Variants in PARP8 observed in about 807,000 individuals in gnomAD.
PARP8 encodes poly(ADP-ribose) polymerase family member 8, also known as protein mono-ADP-ribosyltransferase PARP8.
A neutral mutation model predicts 124.1 loss-of-function variants in PARP8; 51 were observed. That is an observed-to-expected ratio of 0.41 (90% CI 0.33 to 0.52). The LOEUF (loss-of-function observed/expected upper bound fraction) is 0.52, where lower values mean the gene tolerates loss of function less well. Among genes scored for constraint, PARP8 ranks in the 20% least tolerant of loss-of-function variants. PARP8 has a pLI of 0.21. For missense variants in PARP8, 860 were observed against 1,018.9 expected, an observed-to-expected ratio of 0.84 and a Z score of 2.12; for synonymous variants, 391 against 361.5, an observed-to-expected ratio of 1.08 and a Z score of -0.93.
chr5:50,737,962 A>T (rs1172988290), intron 2 of PARP8, among the ~76,000 whole-genome samples: 1 of 152,214 alleles, frequency 6.6e-6, no homozygotes, highest in Non-Finnish European at 1.5e-5. Flanking sequence ...TATACTTTAC[A>T]CAATCTTATG....
intron 2 of PARP8, among the ~76,000 whole-genome samples, chr5:50,675,866 C>T (rs972898978): frequency 1.3e-5 from 2 of 152,052 alleles, no homozygotes; most frequent in Non-Finnish European, 1.5e-5. Flanking sequence ...AGAAATAAGT[C>T]AGTATTTTGT....
chr5:50,825,522 G>A (rs1746244256), intron 18 of PARP8, among the ~76,000 whole-genome samples: 1 of 152,252 alleles, frequency 6.6e-6, no homozygotes, highest in Non-Finnish European at 1.5e-5. Context: ...TCTAGAAGGA[G>A]GGCTAGACTG....
chr5:50,745,000 C>A, intron 2 of PARP8: 1 of 476,176 alleles, frequency 2.1e-6, no homozygotes, highest in Non-Finnish European at 3.8e-6. Context: ...TCATCCATGT[C>A]TGTTTGTACT....
intron 2 of PARP8, among the ~76,000 whole-genome samples, chr5:50,723,786 T>C (rs916583243): frequency 1.3e-5 from 2 of 152,116 alleles, no homozygotes; most frequent in South Asian, 4.1e-4. Flanking sequence ...TTATTAGATT[T>C]AAAAAATATT....
At chr5:50,687,437 C>T (rs1751993561) in intron 2 of PARP8, among the ~76,000 whole-genome samples, 1 of 152,162 alleles carries the variant, frequency 6.6e-6, no homozygotes, top group African/African-American at 2.4e-5. Context: ...ATTTTTCTGT[C>T]TTCTGAGCCC....
intron 1 of PARP8, 79 bp downstream of exon 1, chr5:50,667,265 T>G (rs1579870993): frequency 2.1e-6 from 3 of 1,407,354 alleles, no homozygotes; most frequent in Non-Finnish European, 3.0e-6. Flanking sequence ...TGGCTGGGGG[T>G]GGGGTGGAGG....
intron 14 of PARP8, among the ~76,000 whole-genome samples, chr5:50,813,870 T>A (rs1744779593): frequency 6.6e-6 from 1 of 152,122 alleles, no homozygotes; most frequent in African/African-American, 2.4e-5. Context: ...CGTATTTAGA[T>A]GTTCACAAAG....
intron 2 of PARP8, among the ~76,000 whole-genome samples, chr5:50,714,863 C>A (rs1755139654): frequency 6.6e-6 from 1 of 152,090 alleles, no homozygotes; most frequent in Admixed American, 6.6e-5. Context: ...TTATCCTTAG[C>A]TGTCATTCCT....
At chr5:50,809,676 CAT>C (rs1282779801) in intron 14 of PARP8, among the ~76,000 whole-genome samples, 1 of 151,984 alleles carries the variant, frequency 6.6e-6, no homozygotes, top group Non-Finnish European at 1.5e-5. Flanking sequence ...GAGCTGTACA[CAT>C]GTGCTCCAAC....
chr5:50,689,864 G>A (rs887088528), intron 2 of PARP8, among the ~76,000 whole-genome samples: 1 of 152,150 alleles, frequency 6.6e-6, no homozygotes, highest in Non-Finnish European at 1.5e-5. Context: ...CTATTGGAGG[G>A]TTCTTTTGGA....
chr5:50,819,492 G>T (rs1745514387), intron 15 of PARP8, among the ~76,000 whole-genome samples: 1 of 132,070 alleles, frequency 7.6e-6, no homozygotes, highest in South Asian at 2.5e-4. Context: ...CCAGGCTGGA[G>T]TGCAGTGGCG....
intron 2 of PARP8, among the ~76,000 whole-genome samples, chr5:50,720,858 A>G (rs1387093697): frequency 2.6e-5 from 4 of 151,838 alleles, no homozygotes; most frequent in Admixed American, 1.3e-4. Flanking sequence ...TGAAAATGGG[A>G]AAGGGGCATC....
At chr5:50,835,752 G>A (rs1747511601) in intron 25 of PARP8, among the ~76,000 whole-genome samples, 1 of 151,958 alleles carries the variant, frequency 6.6e-6, no homozygotes, top group South Asian at 2.1e-4. Context: ...TGGCAATGCA[G>A]TACATGTCAA....
intron 2 of PARP8, among the ~76,000 whole-genome samples, chr5:50,697,754 C>A (rs773189044): frequency 1.2e-4 from 19 of 152,170 alleles, no homozygotes; most frequent in Non-Finnish European, 2.5e-4. Flanking sequence ...AAGAAGTCCT[C>A]CTACCTCAGC....
intron 14 of PARP8, among the ~76,000 whole-genome samples, chr5:50,814,505 T>C (rs1225681683): frequency 6.6e-6 from 1 of 151,938 alleles, no homozygotes; most frequent in Non-Finnish European, 1.5e-5. Context: ...TATAGATTCA[T>C]TTTTTTTCCC....
chr5:50,715,347 A>G (rs1755196571), intron 2 of PARP8, among the ~76,000 whole-genome samples: 1 of 152,094 alleles, frequency 6.6e-6, no homozygotes, highest in Admixed American at 6.6e-5. Context: ...CATATTTTGG[A>G]TAAGTTCCTA....
chr5:50,811,747 C>T (rs560105740), intron 14 of PARP8, among the ~76,000 whole-genome samples: 78 of 152,208 alleles, frequency 5.1e-4, no homozygotes, highest in Non-Finnish European at 9.6e-4. Flanking sequence ...CCATCCTCCA[C>T]CCTGCAACAA....
intron 15 of PARP8, among the ~76,000 whole-genome samples, chr5:50,820,678 C>T (rs1415971293): frequency 6.6e-6 from 1 of 152,208 alleles, no homozygotes; most frequent in African/African-American, 2.4e-5. Flanking sequence ...TCCCCTGGAA[C>T]AGCTTCTCGC....
rs1337162467 is a variant in PARP8 at position 50,685,272 on chromosome 5, T to C, written c.146+17147T>C. 5.9e-5 allele frequency among the ~76,000 whole-genome samples: 9 copies of C among 152,342 alleles called. 1 individual carries two copies. In the South Asian group the frequency reaches 8.3e-4, roughly 14 times the overall value. On this transcript the variant is annotated intron_variant, in intron 2 of 25. Transcript: ENST00000281631. ...ATTAAATAAAAGGGGATTTTCTTGC[T>C]TATTTAACTGTAGATTCAGTGGTAA...
Sources: allele counts gnomAD v4.1 joint callset (sites outside exome capture counted in the v4.1 genomes callset), GRCh38; gene constraint gnomAD v4.1.1; transcripts MANE v1.5; gene names NCBI Gene and HGNC (gene_info 2026-07-23, HGNC 2026-07-21).